The following EPB41 variants were observed in gnomAD, a reference collection of about 807,000 sequenced individuals.
EPB41 encodes the protein erythrocyte membrane protein band 4.1.
A neutral mutation model predicts 108.0 loss-of-function variants in EPB41; 65 were observed. The ratio of observed to expected loss-of-function variants is 0.60; its 90% CI spans 0.49 to 0.74. The LOEUF is 0.74. EPB41 is among the 30% of genes least tolerant of loss of function. EPB41 has a pLI of 0.00. For missense variants in EPB41, 875 were observed against 1,037.0 expected (o/e 0.84, Z 2.15); for synonymous variants, 336 against 358.9 (o/e 0.94, Z 0.72).
intron 1 of EPB41, among the ~76,000 whole-genome samples, chr1:28,941,681 A>C (rs2094291737): frequency 6.6e-6 from 1 of 152,158 alleles, no homozygotes; most frequent in East Asian, 1.9e-4. Context: ...GGATCACCTG[A>C]GGTCGGGAGT....
At chr1:29,087,939 T>C (rs956996021) in intron 16 of EPB41, among the ~76,000 whole-genome samples, 2 of 152,184 alleles carry the variant, frequency 1.3e-5, no homozygotes, top group Non-Finnish European at 2.9e-5. Flanking sequence ...TTGTCTAATA[T>C]TCTTTTTTTC....
intron 1 of EPB41, among the ~76,000 whole-genome samples, chr1:28,903,308 T>C (rs1296208459): frequency 6.6e-6 from 1 of 150,966 alleles, no homozygotes; most frequent in Non-Finnish European, 1.5e-5. Context: ...TGAGACTCTA[T>C]TTCTTTTTCT....
At chr1:28,888,105 G>C (rs979547511) in intron 1 of EPB41, among the ~76,000 whole-genome samples, 3 of 152,242 alleles carry the variant, frequency 2.0e-5, no homozygotes, top group African/African-American at 7.2e-5. Context: ...GAGTGGGGAG[G>C]AGAGAGGAGG....
intron 1 of EPB41, among the ~76,000 whole-genome samples, chr1:28,951,196 G>A (rs1201912177): frequency 1.3e-5 from 2 of 151,986 alleles, no homozygotes; most frequent in Admixed American, 6.6e-5. Context: ...TACCAAGGAT[G>A]GTATTATGGC....
At chr1:29,061,754 A>G (rs1217399893) in intron 15 of EPB41, among the ~76,000 whole-genome samples, 1 of 150,660 alleles carries the variant, frequency 6.6e-6, no homozygotes, top group African/African-American at 2.4e-5. Context: ...TAATTTTTAA[A>G]TTTTTGGTAG....
chr1:28,993,458 T>G lies in EPB41; in HGVS notation c.597T>G (p.Ala199=). The change falls in exon 3 of 21, where the codon GCT becomes GCG. Residue 199 remains alanine (A), a synonymous_variant. Transcript: ENST00000343067. The stretch of plus-strand genomic sequence containing the variant: ...CAAAAGCAGAAACAGAATTAAAAGC[T>G]TCCCAAAAACCAATCAGAAAACACA... ...PQSKAETELK[A]SQKPIRKHRN... The G allele has an allele frequency of 2.5e-6, 4 of 1,614,012 alleles. No individual in the cohort carries two copies. The highest frequency in any genetic ancestry group is 3.4e-6 in the Non-Finnish European group (4 of 1,179,986).
chr1:29,100,527 AG>A (rs1664959309), intron 17 of EPB41, among the ~76,000 whole-genome samples: 1 of 148,092 alleles, frequency 6.8e-6, no homozygotes, highest in African/African-American at 2.4e-5. Flanking sequence ...AAAGAGAATT[AG>A]GGTTGGTCAC....
At chr1:29,025,398 C>T (rs928165104) in intron 7 of EPB41, among the ~76,000 whole-genome samples, 8 of 151,810 alleles carry the variant, frequency 5.3e-5, no homozygotes, top group South Asian at 2.1e-4. Flanking sequence ...GCCGGAGCTT[C>T]CTGGTCAGGT....
At chr1:28,919,198 T>TA (rs2092897694) in intron 1 of EPB41, among the ~76,000 whole-genome samples, 1 of 152,244 alleles carries the variant, frequency 6.6e-6, no homozygotes. Flanking sequence ...TGTTTATACT[T>TA]ATTTTGCTGA....
chr1:28,912,743 G>C (rs564865666), upstream of EPB41, among the ~76,000 whole-genome samples: 2 of 151,718 alleles, frequency 1.3e-5, no homozygotes, highest in East Asian at 3.9e-4. Context: ...CAACCTCCGA[G>C]AATAACTGAG....
intron 1 of EPB41, among the ~76,000 whole-genome samples, chr1:28,928,167 C>T (rs1422011970): frequency 6.6e-6 from 1 of 152,020 alleles, no homozygotes; most frequent in African/African-American, 2.4e-5. Flanking sequence ...ACACACACCT[C>T]TGTAATTTGT....
At position 29,053,721 on chromosome 1, in the gene EPB41, G is replaced by A. The variant is rs1436670231; in HGVS notation, c.1845+409G>A. 14 of 178,298 alleles carry A rather than the reference G, an allele frequency of 7.9e-5. No homozygotes were observed. In the South Asian group the frequency reaches 8.9e-4, roughly 11 times the overall value. 11.0% of individuals were successfully genotyped at this position (178,298 alleles called of 1,614,324 possible). A position where few individuals can be genotyped will look rare whatever the true frequency, so the allele number is the denominator to read the frequency against. On this transcript the variant is annotated intron_variant, in intron 12 of 20. Coordinates refer to ENST00000343067, the MANE Select transcript of EPB41 (RefSeq NM_001376013.1). ...ACTACAGGCGCCCGCCACCATGCCC[G>A]GCTAATTTTTTGTATTTTTAGTAGA... is the stretch of plus-strand genomic sequence containing the variant.
intron 1 of EPB41, among the ~76,000 whole-genome samples, chr1:28,977,855 G>GT (rs535156356): frequency 4.8e-5 from 7 of 146,232 alleles, no homozygotes; most frequent in East Asian, 2.3e-4. Context: ...GATCCATAGG[G>GT]TTTTTTTTTC....
upstream of EPB41, among the ~76,000 whole-genome samples, chr1:28,911,838 T>C (rs1490363473): frequency 2.6e-5 from 4 of 151,424 alleles, no homozygotes; most frequent in Non-Finnish European, 5.9e-5. Flanking sequence ...AGGCTGGGGG[T>C]TCGAGACCAG....
intron 19 of EPB41, among the ~76,000 whole-genome samples, chr1:29,114,316 T>C (rs1168537406): frequency 6.6e-6 from 1 of 152,102 alleles, no homozygotes; most frequent in African/African-American, 2.4e-5. Flanking sequence ...AACAGTGTGG[T>C]AAAGAGGAAA....
upstream of EPB41, among the ~76,000 whole-genome samples, chr1:28,913,866 C>T (rs1203280268): frequency 6.6e-6 from 1 of 152,166 alleles, no homozygotes; most frequent in African/African-American, 2.4e-5. Context: ...CATCTGGAGA[C>T]CAGACCTCGG....
In EPB41 at chr1:29,115,777, A is replaced by G; in HGVS notation, c.2575A>G (p.Thr859Ala). 6.2e-7 allele frequency: 1 copy of G among 1,613,962 alleles called. No homozygotes were observed. Among genetic ancestry groups the G allele is most frequent in the Non-Finnish European group, 8.5e-7 (1 of 1,179,964 alleles). ...GACCAAGGTGGTCGTCCACCAGGAG[A>G]CCGAGATTGCTGATGAGTGAGCTCA... ...SVTKVVVHQE[T>A]EIADE is the part of the protein sequence containing the mutation. Residue 859 changes from threonine to alanine, a missense_variant, in exon 20 of 21, where the codon ACC becomes GCC. By Grantham distance (58) the Thr-to-Ala change is moderately conservative. This residue lies in a region of EPB41 where 519 missense variants were observed against 627.3 expected (regional missense o/e 0.83). Transcript: ENST00000343067. The surrounding 1 kb of genome is among the most constrained non-coding windows in gnomAD (Gnocchi z 4.4).
chr1:28,954,425 G>A (rs1195763193), intron 1 of EPB41, among the ~76,000 whole-genome samples: 1 of 152,138 alleles, frequency 6.6e-6, no homozygotes, highest in Admixed American at 6.6e-5. Context: ...TTTGGTTTGA[G>A]GTTGCTGTTC....
chr1:28,967,310 G>A (rs892091819), intron 1 of EPB41, among the ~76,000 whole-genome samples: 2 of 152,140 alleles, frequency 1.3e-5, no homozygotes, highest in African/African-American at 2.4e-5. Flanking sequence ...GAGCCACCAC[G>A]CTCGGCCCTT....
Sources: gnomAD v4.1 joint callset for allele counts (sites outside exome capture counted in the v4.1 genomes callset) on GRCh38, gnomAD v4.1.1 for gene constraint, gnomAD v4.1.1 regional missense constraint, Gnocchi (gnomAD v3.1) non-coding constraint, MANE v1.5 for transcripts, NCBI Gene and HGNC (gene_info 2026-07-23, HGNC 2026-07-21) for gene names.